Variants in KCNH7 observed in about 807,000 individuals in gnomAD.
KCNH7 encodes potassium voltage-gated channel subfamily H member 7.
In KCNH7, 49 loss-of-function variants were observed where a neutral mutation model predicts 120.8. The ratio of observed to expected loss-of-function variants is 0.41; its 90% CI spans 0.32 to 0.51. The LOEUF is 0.51. Ranked by LOEUF, KCNH7 falls within the 20% of genes least tolerant of loss-of-function variation. The pLI is 0.38. For missense variants in KCNH7, 1,097 were observed against 1,446.6 expected, an observed-to-expected ratio of 0.76 and a Z score of 3.92; for synonymous variants, 547 against 516.1, an observed-to-expected ratio of 1.06 and a Z score of -0.81.
intron 2 of KCNH7, among the ~76,000 whole-genome samples, chr2:162,538,526 G>A (rs74730656): frequency 0.011 from 1,718 of 152,140 alleles, 20 homozygotes; most frequent in Non-Finnish European, 0.016. Flanking sequence ...ACAGGGGCCG[G>A]GCAAACAGCT....
At chr2:162,650,455 T>C (rs947131154) in intron 2 of KCNH7, among the ~76,000 whole-genome samples, 3 of 152,172 alleles carry the variant, frequency 2.0e-5, no homozygotes, top group Non-Finnish European at 4.4e-5. Flanking sequence ...TTTCAATATA[T>C]GATATCTACA....
chr2:162,389,126 C>CT (rs1282002590), intron 12 of KCNH7, among the ~76,000 whole-genome samples: 3 of 151,792 alleles, frequency 2.0e-5, no homozygotes, highest in South Asian at 2.1e-4. Context: ...ACTCTGGTGG[C>CT]TTTTTTTGTT....
intron 2 of KCNH7, among the ~76,000 whole-genome samples, chr2:162,711,605 C>G (rs914377303): frequency 6.6e-6 from 1 of 152,136 alleles, no homozygotes; most frequent in African/African-American, 2.4e-5. Context: ...GCCCGTTCAA[C>G]CTTGGAGGAC....
At chr2:162,513,748 T>C (rs1691191607) in intron 4 of KCNH7, among the ~76,000 whole-genome samples, 1 of 151,738 alleles carries the variant, frequency 6.6e-6, no homozygotes, top group Non-Finnish European at 1.5e-5. Context: ...CAAATATAAC[T>C]CAAAGAGTCA....
intron 2 of KCNH7, among the ~76,000 whole-genome samples, chr2:162,580,696 A>T (rs1008674131): frequency 6.6e-5 from 10 of 152,186 alleles, no homozygotes; most frequent in African/African-American, 1.9e-4. Context: ...GACTGGAGAG[A>T]AGAACAGATC....
At chr2:162,688,718 C>G (rs1044931458) in intron 2 of KCNH7, among the ~76,000 whole-genome samples, 1 of 150,314 alleles carries the variant, frequency 6.7e-6, no homozygotes, top group Admixed American at 6.6e-5. Flanking sequence ...AGAATAACCT[C>G]TCCTGCCCCC....
intron 3 of KCNH7, among the ~76,000 whole-genome samples, chr2:162,521,362 C>T (rs556158552): frequency 6.6e-6 from 1 of 151,806 alleles, no homozygotes; most frequent in Non-Finnish European, 1.5e-5. Flanking sequence ...GAATCTTAAC[C>T]TCCTGGAATT....
At chr2:162,727,615 T>C (rs1200497361) in intron 2 of KCNH7, among the ~76,000 whole-genome samples, 1 of 152,198 alleles carries the variant, frequency 6.6e-6, no homozygotes. Context: ...TTTTCTCCTC[T>C]ATTCCCTCAG....
chr2:162,586,898 T>C (rs1300722717), intron 2 of KCNH7, among the ~76,000 whole-genome samples: 3 of 152,102 alleles, frequency 2.0e-5, no homozygotes, highest in Non-Finnish European at 4.4e-5. Context: ...TTTTGCATGC[T>C]TCTATCATCG....
chr2:162,550,873 C>G (rs972253419), intron 2 of KCNH7, among the ~76,000 whole-genome samples: 47 of 145,378 alleles, frequency 3.2e-4, no homozygotes, highest in African/African-American at 1.2e-3. Flanking sequence ...GCAAAAATAA[C>G]AAAACTAGGC....
intron 6 of KCNH7, among the ~76,000 whole-genome samples, chr2:162,493,336 A>G (rs1255570515): frequency 6.6e-6 from 1 of 152,224 alleles, no homozygotes; most frequent in Non-Finnish European, 1.5e-5. Flanking sequence ...AAGAAAAATA[A>G]GCACTTAGAT....
chr2:162,379,493 G>A (rs1021205062), intron 14 of KCNH7, among the ~76,000 whole-genome samples: 5 of 151,904 alleles, frequency 3.3e-5, no homozygotes, highest in East Asian at 1.9e-4. Flanking sequence ...CTATGCTATC[G>A]GGAACATCCG....
intron 2 of KCNH7, among the ~76,000 whole-genome samples, chr2:162,562,259 T>A (rs985023244): frequency 2.0e-5 from 3 of 152,198 alleles, no homozygotes; most frequent in Non-Finnish European, 2.9e-5. Flanking sequence ...AAATTTCACA[T>A]CACTTTTTAA....
At chr2:162,662,088 C>T (rs1339441426) in intron 2 of KCNH7, among the ~76,000 whole-genome samples, 1 of 151,870 alleles carries the variant, frequency 6.6e-6, no homozygotes, top group Non-Finnish European at 1.5e-5. Context: ...ATGGTGAAAC[C>T]CCGTCTCTAC....
At chr2:162,375,688 G>A (rs930232572) in intron 14 of KCNH7, among the ~76,000 whole-genome samples, 2 of 152,068 alleles carry the variant, frequency 1.3e-5, no homozygotes, top group African/African-American at 4.8e-5. Context: ...AGCACTTTGA[G>A]ATGCCAAGGT....
intron 6 of KCNH7, among the ~76,000 whole-genome samples, chr2:162,493,563 T>C (rs1195826107): frequency 6.6e-6 from 1 of 152,202 alleles, no homozygotes; most frequent in Non-Finnish European, 1.5e-5. Flanking sequence ...TCAACTTGCC[T>C]GCTTTACAAT....
chr2:162,656,688 G>C (rs937105312), intron 2 of KCNH7, among the ~76,000 whole-genome samples: 43 of 152,116 alleles, frequency 2.8e-4, no homozygotes, highest in African/African-American at 1.0e-3. Flanking sequence ...CAAAGTTTTG[G>C]TCATATGGTA....
intron 2 of KCNH7, among the ~76,000 whole-genome samples, chr2:162,792,762 GGTGTGTGTGTGTGTGTGTGTGTGT>G (rs59397474): frequency 8.0e-6 from 1 of 124,936 alleles, no homozygotes. Context: ...TCTTTTGAAT[GGTGTGTGTGTGTGTGTGTGTGTGT>G]GTGTGTGTGT....
intron 3 of KCNH7, among the ~76,000 whole-genome samples, chr2:162,529,747 C>T (rs181819766): frequency 6.6e-6 from 1 of 151,952 alleles, no homozygotes; most frequent in East Asian, 2.0e-4. Context: ...CTATTGGCTC[C>T]TTTAAATGTG....
Sources: gnomAD v4.1 joint callset for allele counts (sites outside exome capture counted in the v4.1 genomes callset) on GRCh38, gnomAD v4.1.1 for gene constraint, MANE v1.5 for transcripts, NCBI Gene and HGNC (gene_info 2026-07-23, HGNC 2026-07-21) for gene names.